Variants in STRBP observed in about 807,000 individuals in gnomAD.
STRBP encodes the protein spermatid perinuclear RNA-binding protein.
Under a neutral mutation model 80.1 loss-of-function variants are expected in STRBP, and 13 were observed. That is an observed-to-expected ratio of 0.16 (90% confidence interval 0.11 to 0.26). The LOEUF (loss-of-function observed/expected upper bound fraction) is 0.26. STRBP is among the 10% of genes least tolerant of loss of function. STRBP has a pLI of 1.00. For synonymous variants in STRBP, 284 were observed against 291.2 expected (o/e 0.98, Z 0.25); for missense variants, 485 against 815.2 (o/e 0.59, Z 4.93).
At chr9:123,195,787 G>A (rs549873975) in intron 2 of STRBP, among the ~76,000 whole-genome samples, 2 of 152,098 alleles carry the variant, frequency 1.3e-5, no homozygotes, top group South Asian at 4.1e-4. Context: ...GCAATCTACA[G>A]GTTCAATGCA....
chr9:123,196,885 G>A (rs551875225), intron 2 of STRBP, among the ~76,000 whole-genome samples: 1 of 152,186 alleles, frequency 6.6e-6, no homozygotes, highest in Non-Finnish European at 1.5e-5. Flanking sequence ...TCACGGCTAG[G>A]TATATACCCA....
At chr9:123,148,293 T>C (rs1180077671) in intron 11 of STRBP, among the ~76,000 whole-genome samples, 1 of 152,184 alleles carries the variant, frequency 6.6e-6, no homozygotes, top group Non-Finnish European at 1.5e-5. Context: ...CCTTCTGCCA[T>C]GTGGGGATAC....
Position 123,115,853 on chromosome 9 carries a change from C to T in STRBP, c.*84+76G>A. 1 of 360,878 alleles carries T rather than the reference C, an allele frequency of 2.8e-6. No homozygotes were observed. Among genetic ancestry groups the T allele is most frequent in the Admixed American group, 3.6e-5 (1 of 28,108 alleles). 22.4% of individuals were successfully genotyped at this position (360,878 alleles called of 1,614,324 possible). ...GGGAGGTGTATTTTAGCTCAAATTGCCCCACTGGCTTCCCATAATTGTCTT... is the reference window on the plus strand; with the variant it reads ...GGGAGGTGTATTTTAGCTCAAATTGTCCCACTGGCTTCCCATAATTGTCTT... On this transcript the variant is annotated intron_variant and NMD_transcript_variant, in intron 3 of 3. Transcript: ENST00000471564. The surrounding 1 kb of genome is among the most constrained non-coding windows in gnomAD (Gnocchi z 5.0).
chr9:123,222,570 T>C (rs1240679941), intron 2 of STRBP, among the ~76,000 whole-genome samples: 1 of 152,118 alleles, frequency 6.6e-6, no homozygotes, highest in Non-Finnish European at 1.5e-5. Context: ...TACTAAACTG[T>C]TGGGAATTAA....
chr9:123,267,851 C>T (rs2041306970), intron 1 of STRBP, among the ~76,000 whole-genome samples: 1 of 148,940 alleles, frequency 6.7e-6, no homozygotes, highest in Admixed American at 6.7e-5. Context: ...CCCTCATTCC[C>T]TCTTGAACCC....
intron 11 of STRBP, among the ~76,000 whole-genome samples, chr9:123,155,736 G>A (rs2037255567): frequency 6.6e-6 from 1 of 152,054 alleles, no homozygotes; most frequent in Non-Finnish European, 1.5e-5. Context: ...TATGCCCACA[G>A]AATAAGTAAC....
chr9:123,181,524 C>T (rs1164548367), intron 3 of STRBP, among the ~76,000 whole-genome samples: 1 of 152,178 alleles, frequency 6.6e-6, no homozygotes, highest in Non-Finnish European at 1.5e-5. Flanking sequence ...AGGCCAGGCA[C>T]GGTGGCTCAT....
Position 123,169,936 on chromosome 9 carries a change from A to T in STRBP, c.501T>A (p.Pro167=), listed in dbSNP as rs780450470. 2 of 1,597,224 alleles carry T rather than the reference A, an allele frequency of 1.3e-6. No individual in the cohort carries two copies. Among genetic ancestry groups the T allele is most frequent in the South Asian group, 1.2e-5 (1 of 86,474 alleles). The change falls in exon 6 of 19, where the codon CCT becomes CCA. Residue 167 remains proline, a synonymous_variant. Transcript: ENST00000348403. ...TLTLKVILTS[P]LIRDELEKKD... ...TCTTCTCCAATTCGTCCCTAATTAG[A>T]GGTGAGGTAAGTATCACCTTCAAAG...
chr9:123,211,349 A>G (rs1427371362), intron 2 of STRBP, among the ~76,000 whole-genome samples: 1 of 152,260 alleles, frequency 6.6e-6, no homozygotes, highest in East Asian at 1.9e-4. Context: ...CTAAGAATCC[A>G]TAAAGATGTG....
intron 2 of STRBP, among the ~76,000 whole-genome samples, chr9:123,233,939 G>A (rs147164536): frequency 1.0e-3 from 158 of 152,242 alleles, no homozygotes; most frequent in African/African-American, 3.5e-3. Flanking sequence ...GGTGGCTCAC[G>A]CCTGTAATAC....
chr9:123,121,037 T>C (rs181827408), downstream of STRBP, among the ~76,000 whole-genome samples: 1 of 152,324 alleles, frequency 6.6e-6, no homozygotes, highest in Admixed American at 6.5e-5. Flanking sequence ...CTTCCACTGG[T>C]CACAGCCTCT....
chr9:123,120,929 A>G (rs2035722999), downstream of STRBP, among the ~76,000 whole-genome samples: 1 of 152,240 alleles, frequency 6.6e-6, no homozygotes, highest in Admixed American at 6.5e-5. Flanking sequence ...CTGAGCTAAT[A>G]TTCTTTTTGC....
At position 123,110,354 on chromosome 9, in the gene STRBP, C is replaced by T. The variant is rs898302993; in HGVS notation, c.*85-601G>A. 1.2e-5 allele frequency: 2 copies of T among 166,426 alleles called. No individual in the cohort carries two copies. Among genetic ancestry groups the T allele is most frequent in the African/African-American group, 4.8e-5 (2 of 41,508 alleles). The allele number at this position is 166,426 out of a possible 1,614,324, so 10.3% of individuals were successfully genotyped here. A position where few individuals can be genotyped will look rare whatever the true frequency, so the allele number is the denominator to read the frequency against. On this transcript the variant is annotated intron_variant and NMD_transcript_variant, in intron 3 of 3. Coordinates refer to the STRBP transcript ENST00000471564. The surrounding 1 kb of genome is among the most constrained non-coding windows in gnomAD (Gnocchi z 4.1). ...CCCCAGCACCCCCTGCCAAAGTACC[C>T]TTGGGAACAGGCCCATCAGCCTCAC...
chr9:123,128,092 G>T, intron 18 of STRBP, 122 bp downstream of exon 18: 1 of 1,218,100 alleles, frequency 8.2e-7, no homozygotes, highest in Non-Finnish European at 1.2e-6. Flanking sequence ...ATTTAAGTTG[G>T]GTCACTAGAA....
chr9:123,153,868 T>C (rs2037166038), intron 11 of STRBP, among the ~76,000 whole-genome samples: 1 of 151,986 alleles, frequency 6.6e-6, no homozygotes, highest in Non-Finnish European at 1.5e-5. Flanking sequence ...AGAGAAAGGG[T>C]CTGAGGACTG....
chr9:123,231,871 T>C (rs1193690290), intron 2 of STRBP, among the ~76,000 whole-genome samples: 1 of 152,184 alleles, frequency 6.6e-6, no homozygotes, highest in Non-Finnish European at 1.5e-5. Context: ...CTAATGAACC[T>C]ACCCCACTTC....
chr9:123,187,228 A>C (rs1363144780), intron 2 of STRBP, among the ~76,000 whole-genome samples: 3 of 151,766 alleles, frequency 2.0e-5, no homozygotes, highest in African/African-American at 7.3e-5. Context: ...TTTGGCTCTA[A>C]AGGACTTACA....
At chr9:123,133,291 C>A (rs2036218202) in intron 16 of STRBP, among the ~76,000 whole-genome samples, 1 of 152,154 alleles carries the variant, frequency 6.6e-6, no homozygotes, top group Admixed American at 6.5e-5. Flanking sequence ...CACTTGGTAC[C>A]TAGGTTCCAA....
chr9:123,217,921 A>G (rs1351549785), intron 2 of STRBP, among the ~76,000 whole-genome samples: 1 of 152,250 alleles, frequency 6.6e-6, no homozygotes, highest in East Asian at 1.9e-4. Flanking sequence ...CAATGGCTTT[A>G]TACAATTTCT....
Sources: gnomAD v4.1 joint callset for allele counts (sites outside exome capture counted in the v4.1 genomes callset) on GRCh38, gnomAD v4.1.1 for gene constraint, Gnocchi (gnomAD v3.1) non-coding constraint, MANE v1.5 for transcripts, NCBI Gene and HGNC (gene_info 2026-07-23, HGNC 2026-07-21) for gene names.